The following SLC44A1 variants were observed in gnomAD, a reference collection of about 807,000 sequenced individuals.
SLC44A1 encodes the protein choline transporter-like protein 1.
Under a neutral mutation model 79.3 loss-of-function variants are expected in SLC44A1, and 26 were observed. The observed-to-expected ratio is 0.33, with a 90% CI of 0.24 to 0.46. The LOEUF (loss-of-function observed/expected upper bound fraction) is 0.46, where lower values mean the gene tolerates loss of function less well. SLC44A1 is among the 20% of genes least tolerant of loss of function. The probability of loss-of-function intolerance (pLI) is 1.00; values close to 1 mark genes in which losing one functional copy is unlikely to be tolerated. For synonymous variants in SLC44A1, 263 were observed against 286.2 expected (o/e 0.92, Z 0.82); for missense variants, 688 against 798.1 (o/e 0.86, Z 1.66).
intron 1 of SLC44A1, among the ~76,000 whole-genome samples, chr9:105,278,797 G>A (rs1034543027): frequency 1.3e-5 from 2 of 152,178 alleles, no homozygotes; most frequent in African/African-American, 4.8e-5. Flanking sequence ...AGTCACTTCT[G>A]TAGACTTTCA....
chr9:105,244,963 C>T, intron 1 of SLC44A1, 59 bp downstream of exon 1: 3 of 830,364 alleles, frequency 3.6e-6, no homozygotes, highest in East Asian at 6.7e-5. Context: ...CCGCGTCGCG[C>T]GGCGGGCGCC....
At chr9:105,286,193 C>T (rs1012915515) in intron 1 of SLC44A1, among the ~76,000 whole-genome samples, 1 of 152,134 alleles carries the variant, frequency 6.6e-6, no homozygotes, top group Non-Finnish European at 1.5e-5. Flanking sequence ...CCTCTTTTCC[C>T]TCCTTTTTTC....
intron 15 of SLC44A1, among the ~76,000 whole-genome samples, chr9:105,432,957 A>C (rs1431151849): frequency 6.6e-6 from 1 of 152,210 alleles, no homozygotes; most frequent in Non-Finnish European, 1.5e-5. Context: ...GGATATTTGC[A>C]AAGTACATAT....
chr9:105,427,313 C>T (rs978111936), intron 15 of SLC44A1, among the ~76,000 whole-genome samples: 56 of 152,160 alleles, frequency 3.7e-4, no homozygotes, highest in African/African-American at 1.3e-3. Context: ...TTATAATATT[C>T]TTTCATTTGA....
Position 105,383,992 on chromosome 9 carries a change from A to ATGTTATGTTATTAAATGGT in SLC44A1, c.1869+634_1869+635insGTTATGTTATTAAATGGTT, listed in dbSNP as rs1390070954. 2.0e-5 allele frequency among the ~76,000 whole-genome samples: 3 copies of ATGTTATGTTATTAAATGGT among 152,288 alleles called. No individual in the cohort carries two copies. The East Asian group carries it at 5.8e-4, about 29-fold the overall frequency. ...ATTAAATGGTTTAAGTACTGTTATAATCAGTGTTAAATGTTACCAAAGTAA... is the reference window on the plus strand; with the variant it reads ...ATTAAATGGTTTAAGTACTGTTATAATGTTATGTTATTAAATGGTTCAGTGTTAAATGTTACCAAAGTAA... On this transcript the variant is annotated intron_variant, in intron 14 of 15. Coordinates refer to ENST00000374720, the MANE Select transcript of SLC44A1 (RefSeq NM_080546.5).
chr9:105,434,362 G>GT (rs1302414656), intron 15 of SLC44A1, among the ~76,000 whole-genome samples: 1 of 151,744 alleles, frequency 6.6e-6, no homozygotes, highest in Admixed American at 6.6e-5. Flanking sequence ...AAATAAAATA[G>GT]TTTGCAATTT....
intron 1 of SLC44A1, among the ~76,000 whole-genome samples, chr9:105,250,874 T>G (rs1004558399): frequency 6.6e-6 from 1 of 151,422 alleles, no homozygotes; most frequent in African/African-American, 2.4e-5. Flanking sequence ...CAAAAAAAGT[T>G]TTTTTTTCTG....
intron 1 of SLC44A1, among the ~76,000 whole-genome samples, chr9:105,291,986 G>A (rs1310701933): frequency 6.6e-6 from 1 of 152,068 alleles, no homozygotes; most frequent in Non-Finnish European, 1.5e-5. Flanking sequence ...AGTATGAGTG[G>A]TGCTGTAATT....
In SLC44A1 at chr9:105,288,218, C is replaced by T. The variant is rs541607936; in HGVS notation, c.37-11002C>T. On this transcript the variant is annotated intron_variant, in intron 1 of 15. Coordinates refer to ENST00000374720, the MANE Select transcript of SLC44A1 (RefSeq NM_080546.5). ...TTTTTATATGTTACTATACAGTCTTCATAGTTATTTTTATGACTTTAATAT... is the reference window on the plus strand; with the variant it reads ...TTTTTATATGTTACTATACAGTCTTTATAGTTATTTTTATGACTTTAATAT... 1.4e-4 allele frequency among the ~76,000 whole-genome samples: 21 copies of T among 152,224 alleles called. No homozygotes were observed. The South Asian group carries it at 3.3e-3, about 24-fold the overall frequency.
intron 12 of SLC44A1, among the ~76,000 whole-genome samples, chr9:105,374,384 G>A (rs1828210051): frequency 1.3e-5 from 2 of 152,174 alleles, no homozygotes; most frequent in African/African-American, 4.8e-5. Context: ...GTTTTTAAAA[G>A]AACCAAAACT....
At chr9:105,387,949 C>T (rs1353402990) in intron 15 of SLC44A1, among the ~76,000 whole-genome samples, 1 of 152,098 alleles carries the variant, frequency 6.6e-6, no homozygotes, top group Non-Finnish European at 1.5e-5. Context: ...GAAATAGTGT[C>T]CCTTACTTCA....
chr9:105,422,450 A>G (rs1829266520), intron 15 of SLC44A1, among the ~76,000 whole-genome samples: 1 of 151,686 alleles, frequency 6.6e-6, no homozygotes, highest in Non-Finnish European at 1.5e-5. Flanking sequence ...CACCACACCT[A>G]GCTAATTTTT....
chr9:105,363,155 C>G (rs1306457198), intron 9 of SLC44A1, 148 bp downstream of exon 9: 1 of 625,248 alleles, frequency 1.6e-6, no homozygotes, highest in Non-Finnish European at 2.7e-6. Flanking sequence ...CCTCAACAAC[C>G]TACTTCATAT....
At chr9:105,275,917 G>C (rs2131240497) in intron 1 of SLC44A1, among the ~76,000 whole-genome samples, 1 of 151,536 alleles carries the variant, frequency 6.6e-6, no homozygotes, top group African/African-American at 2.4e-5. Context: ...CAATTCACTT[G>C]CCTCAGCCTC....
intron 4 of SLC44A1, among the ~76,000 whole-genome samples, chr9:105,341,596 A>G (rs1432011778): frequency 2.0e-5 from 3 of 152,196 alleles, no homozygotes; most frequent in Non-Finnish European, 4.4e-5. Context: ...GGGCAAGCTC[A>G]TGCTCTATTC....
At chr9:105,248,116 T>C (rs1829501347) in intron 1 of SLC44A1, among the ~76,000 whole-genome samples, 1 of 152,234 alleles carries the variant, frequency 6.6e-6, no homozygotes, top group Non-Finnish European at 1.5e-5. Context: ...ACAGTGTGCT[T>C]TGAGGTAATC....
At chr9:105,405,398 C>T (rs1829017154) in intron 15 of SLC44A1, among the ~76,000 whole-genome samples, 2 of 151,128 alleles carry the variant, frequency 1.3e-5, no homozygotes, top group Non-Finnish European at 1.5e-5. Flanking sequence ...CATCATTCCA[C>T]AAAAACGATG....
chr9:105,389,484 A>C lies in SLC44A1; in HGVS notation c.*428A>C. The C allele has an allele frequency of 9.6e-7, 1 of 1,036,960 alleles. No homozygotes were observed. The highest frequency in any genetic ancestry group is 1.2e-6 in the Non-Finnish European group (1 of 863,212). 64.2% of individuals were successfully genotyped at this position (1,036,960 alleles called of 1,614,324 possible). On this transcript the variant is annotated 3_prime_UTR_variant, in exon 16 of 16. Transcript: ENST00000374720. ...TCCCTGATGTCTGTATAAAATCAAG[A>C]TCTTATTTTACTGATGCATAAGTCC...
chr9:105,431,658 A>G (rs1484342594), intron 15 of SLC44A1, among the ~76,000 whole-genome samples: 2 of 152,318 alleles, frequency 1.3e-5, no homozygotes, highest in East Asian at 3.9e-4. Context: ...GAGTCTCCAT[A>G]GAGACAAAAA....
Sources: allele counts gnomAD v4.1 joint callset (sites outside exome capture counted in the v4.1 genomes callset), GRCh38; gene constraint gnomAD v4.1.1; transcripts MANE v1.5; gene names NCBI Gene and HGNC (gene_info 2026-07-23, HGNC 2026-07-21).